Variants in SPZ1 observed in about 807,000 individuals in gnomAD.
SPZ1 encodes spermatogenic leucine zipper protein 1.
For missense variants in SPZ1, 408 were observed against 486.2 expected (o/e 0.84, Z 1.51); for synonymous variants, 160 against 167.6 (o/e 0.95, Z 0.35).
At position 80,321,216 on chromosome 5, in the gene SPZ1, G is replaced by C; in HGVS notation, c.1001G>C (p.Arg334Thr). The change falls in exon 1 of 1, where the codon AGA (arginine) becomes ACA (threonine). Residue 334 changes from arginine to threonine, a missense_variant. Arg to Thr is a moderately conservative substitution (Grantham distance 71). Transcript: ENST00000296739. ...AATGAATGCCAAATCTTACAGCAGAGAGTAGAGATTCTCAAGGAACTCCAT... is the reference window on the plus strand; with the variant it reads ...AATGAATGCCAAATCTTACAGCAGACAGTAGAGATTCTCAAGGAACTCCAT... ...LENECQILQQRVEILKELHHQ... is the reference protein window; with the variant it reads ...LENECQILQQTVEILKELHHQ... 6.2e-7 allele frequency: 1 copy of C among 1,613,966 alleles called. No individual in the cohort carries two copies. Among genetic ancestry groups the C allele is most frequent in the Non-Finnish European group, 8.5e-7 (1 of 1,180,034 alleles).
Position 80,321,609 on chromosome 5 carries a change from C to G in SPZ1, c.*101C>G. 1 of 862,560 alleles carries G rather than the reference C, an allele frequency of 1.2e-6. No homozygotes were observed. The allele number at this position is 862,560 out of a possible 1,614,324, so 53.4% of individuals were successfully genotyped here. A position where few individuals can be genotyped will look rare whatever the true frequency, so the allele number is the denominator to read the frequency against. Reference sequence around the variant, plus strand: ...AATCATCAAACCTTGGGCAGATCTGCTGGTTCAACCAAGAAAGAGCTATAG... The same window carrying G: ...AATCATCAAACCTTGGGCAGATCTGGTGGTTCAACCAAGAAAGAGCTATAG... On this transcript the variant is annotated 3_prime_UTR_variant, in exon 1 of 1. Coordinates refer to ENST00000296739, the MANE Select transcript of SPZ1 (RefSeq NM_032567.4).
Position 80,320,153 on chromosome 5 carries a change from C to T in SPZ1, c.-63C>T. On this transcript the variant is annotated 5_prime_UTR_variant, in exon 1 of 1. Transcript: ENST00000296739. ...ATTCCACAGTCTCCACCCACATTTGCACAAAGGACCATCACCTGTCCTTCC... is the reference window on the plus strand; with the variant it reads ...ATTCCACAGTCTCCACCCACATTTGTACAAAGGACCATCACCTGTCCTTCC... 1 of 1,327,166 alleles carries T rather than the reference C, an allele frequency of 7.5e-7. No homozygotes were observed. Among genetic ancestry groups the T allele is most frequent in the Non-Finnish European group, 1.0e-6 (1 of 962,194 alleles). The allele number at this position is 1,327,166 out of a possible 1,614,324, so 82.2% of individuals were successfully genotyped here.
In SPZ1 at chr5:80,321,428, G is replaced by A. The variant is rs766860460; in HGVS notation, c.1213G>A (p.Ala405Thr). ...CCTGGATGTTTGTCTTAATAAGAAA[G>A]CTTGCAATACCCAGTTCAATATTCA... ...RSLDVCLNKK[A>T]CNTQFNIHVA... Residue 405 changes from alanine to threonine, a missense_variant, in exon 1 of 1, where the codon GCT becomes ACT. By Grantham distance (58) the Ala-to-Thr change is moderately conservative. Transcript: ENST00000296739. The A allele has an allele frequency of 1.9e-6, 3 of 1,610,566 alleles. No homozygotes were observed. Among genetic ancestry groups the A allele is most frequent in the Middle Eastern group, 1.7e-4 (1 of 6,034 alleles).
Sources: gnomAD v4.1 joint callset for allele counts on GRCh38, gnomAD v4.1.1 for gene constraint, MANE v1.5 for transcripts, NCBI Gene and HGNC (gene_info 2026-07-23, HGNC 2026-07-21) for gene names.